Variants in SEMA6D observed in about 807,000 individuals in gnomAD.
SEMA6D encodes the protein semaphorin-6D.
SEMA6D carries 35 observed loss-of-function variants against 106.6 expected under a neutral mutation model. The ratio of observed to expected loss-of-function variants is 0.33; its 90% CI spans 0.25 to 0.44. The LOEUF is 0.44. SEMA6D is among the 20% of genes least tolerant of loss of function. SEMA6D has a pLI of 1.00. For synonymous variants in SEMA6D, 499 were observed against 487.7 expected, an observed-to-expected ratio of 1.02 and a Z score of -0.31; for missense variants, 1,185 against 1,345.9, an observed-to-expected ratio of 0.88 and a Z score of 1.87.
intron 1 of SEMA6D, among the ~76,000 whole-genome samples, chr15:47,361,713 C>T (rs147082188): frequency 3.9e-5 from 6 of 152,302 alleles, no homozygotes; most frequent in East Asian, 3.9e-4. Flanking sequence ...CTGCCTCCCT[C>T]GCACATGCTC....
At chr15:47,660,153 T>G (rs2077887943) in intron 4 of SEMA6D, among the ~76,000 whole-genome samples, 1 of 151,318 alleles carries the variant, frequency 6.6e-6, no homozygotes, top group Non-Finnish European at 1.5e-5. Context: ...ATCAAAAGTG[T>G]CTGCCTTAGA....
At chr15:47,747,751 A>G (rs2081223462) in intron 1 of SEMA6D, among the ~76,000 whole-genome samples, 1 of 152,178 alleles carries the variant, frequency 6.6e-6, no homozygotes, top group Non-Finnish European at 1.5e-5. Context: ...AGATCTTACA[A>G]ATGTCTTCAT....
intron 4 of SEMA6D, among the ~76,000 whole-genome samples, chr15:47,709,551 A>G (rs924646028): frequency 1.3e-5 from 2 of 152,344 alleles, no homozygotes; most frequent in South Asian, 2.1e-4. Context: ...TGAAATGAAT[A>G]TATGCAAGAA....
intron 1 of SEMA6D, among the ~76,000 whole-genome samples, chr15:47,317,218 T>G (rs923845148): frequency 6.6e-6 from 1 of 152,210 alleles, no homozygotes; most frequent in Non-Finnish European, 1.5e-5. Context: ...TATTCCTTTA[T>G]TATTCTTTTA....
intron 3 of SEMA6D, among the ~76,000 whole-genome samples, chr15:47,483,519 C>T (rs894820705): frequency 8.5e-5 from 13 of 152,098 alleles, no homozygotes; most frequent in African/African-American, 2.9e-4. Flanking sequence ...GTTTTGCCTA[C>T]TCAGGACACC....
chr15:47,575,370 GA>G (rs2076138686), intron 3 of SEMA6D, among the ~76,000 whole-genome samples: 1 of 152,146 alleles, frequency 6.6e-6, no homozygotes, highest in African/African-American at 2.4e-5. Flanking sequence ...GTAAAGCCCA[GA>G]TATGGGGTAG....
At chr15:47,291,974 G>T (rs571484429) in intron 1 of SEMA6D, among the ~76,000 whole-genome samples, 18 of 152,302 alleles carry the variant, frequency 1.2e-4, no homozygotes, top group African/African-American at 3.8e-4. Flanking sequence ...GTTTGTAAGA[G>T]AAATCTCATG....
At position 47,697,672 on chromosome 15, in the gene SEMA6D, C is replaced by T. The variant is rs956309030; in HGVS notation, c.-54-62073C>T. On this transcript the variant is annotated intron_variant, in intron 4 of 19. Transcript: ENST00000558014. ...ATTGTCCTTTAATCTCTTTCAAAATCTCTCCTTCTGTATAGGGAAGGTCTG... is the reference window on the plus strand; with the variant it reads ...ATTGTCCTTTAATCTCTTTCAAAATTTCTCCTTCTGTATAGGGAAGGTCTG... Among the ~76,000 whole-genome samples the T allele has an allele frequency of 2.6e-5, 4 of 152,312 alleles. No homozygotes were observed. The East Asian group carries it at 5.8e-4, about 22-fold the overall frequency.
At chr15:47,698,676 T>G (rs888024484) in intron 4 of SEMA6D, among the ~76,000 whole-genome samples, 2 of 152,218 alleles carry the variant, frequency 1.3e-5, no homozygotes, top group Non-Finnish European at 2.9e-5. Context: ...TAGAAATACA[T>G]GGCACACAGG....
At chr15:47,608,730 C>T (rs545615243) in intron 4 of SEMA6D, among the ~76,000 whole-genome samples, 2 of 152,216 alleles carry the variant, frequency 1.3e-5, no homozygotes, top group East Asian at 3.9e-4. Flanking sequence ...AACAATAATT[C>T]AATCTCCTTC....
intron 1 of SEMA6D, among the ~76,000 whole-genome samples, chr15:47,231,113 C>A (rs2032163364): frequency 6.6e-6 from 1 of 151,896 alleles, no homozygotes; most frequent in South Asian, 2.1e-4. Flanking sequence ...TCCTCTTTGC[C>A]TTCCTTGTTC....
intron 3 of SEMA6D, among the ~76,000 whole-genome samples, chr15:47,598,537 C>T (rs996105056): frequency 2.0e-5 from 3 of 152,036 alleles, no homozygotes; most frequent in African/African-American, 7.3e-5. Context: ...TTAAAATAGC[C>T]CATTAATATT....
intron 4 of SEMA6D, among the ~76,000 whole-genome samples, chr15:47,657,997 C>T (rs1206624119): frequency 6.6e-6 from 1 of 151,802 alleles, no homozygotes; most frequent in East Asian, 1.9e-4. Context: ...ACCTCGGCCT[C>T]CCAAAGTGCT....
At chr15:47,323,481 C>T (rs1387518642) in intron 1 of SEMA6D, among the ~76,000 whole-genome samples, 1 of 152,078 alleles carries the variant, frequency 6.6e-6, no homozygotes, top group Admixed American at 6.6e-5. Flanking sequence ...GAAGTGCATG[C>T]TGTTTGGTCT....
rs190518470 is a variant in SEMA6D, at chr15:47,690,362, C to A, written c.-54-69383C>A. Among the ~76,000 whole-genome samples, 6 of 152,040 alleles carry A rather than the reference C, an allele frequency of 3.9e-5. No homozygotes were observed. The East Asian group carries it at 9.7e-4, about 24-fold the overall frequency. On this transcript the variant is annotated intron_variant, in intron 4 of 19. Coordinates refer to the SEMA6D transcript ENST00000558014. ...TCTTTAATGATAGATGGAAAAAAAA[C>A]GCAAATATTAAGAGATATTATAGTT...
intron 2 of SEMA6D, among the ~76,000 whole-genome samples, chr15:47,419,643 G>A (rs2041088574): frequency 6.6e-6 from 1 of 152,138 alleles, no homozygotes; most frequent in Non-Finnish European, 1.5e-5. Flanking sequence ...GAGAGTAAAA[G>A]CTATCTCTTG....
intron 1 of SEMA6D, among the ~76,000 whole-genome samples, chr15:47,277,077 A>G (rs1180148667): frequency 6.6e-6 from 1 of 152,142 alleles, no homozygotes; most frequent in African/African-American, 2.4e-5. Context: ...TGAAGCCTGA[A>G]GCTGAGACTG....
chr15:47,421,035 T>C (rs1322311719), intron 2 of SEMA6D, among the ~76,000 whole-genome samples: 1 of 152,172 alleles, frequency 6.6e-6, no homozygotes, highest in East Asian at 1.9e-4. Flanking sequence ...AAGTCTAATA[T>C]GTTTGGACTT....
intron 1 of SEMA6D, among the ~76,000 whole-genome samples, chr15:47,380,847 C>G (rs1002161737): frequency 6.6e-6 from 1 of 152,188 alleles, no homozygotes; most frequent in African/African-American, 2.4e-5. Flanking sequence ...ATGATGAAGG[C>G]AGGCTCAAAG....
Sources: allele counts gnomAD v4.1 joint callset (sites outside exome capture counted in the v4.1 genomes callset), GRCh38; gene constraint gnomAD v4.1.1; transcripts MANE v1.5; gene names NCBI Gene and HGNC (gene_info 2026-07-23, HGNC 2026-07-21).